Variants in RFT1 observed in about 807,000 individuals in gnomAD.
RFT1 encodes man(5)GlcNAc(2)-PP-dolichol translocation protein RFT1.
In RFT1, 43 loss-of-function variants were observed where a neutral mutation model predicts 62.2. The ratio of observed to expected loss-of-function variants is 0.69; its 90% CI spans 0.54 to 0.89. The LOEUF is 0.89. RFT1 is among the 40% of genes least tolerant of loss of function. The probability of loss-of-function intolerance (pLI) is 0.00; values close to 1 mark genes in which losing one functional copy is unlikely to be tolerated. For missense variants in RFT1, 605 were observed against 649.9 expected (o/e 0.93, Z 0.75); for synonymous variants, 262 against 264.6 (o/e 0.99, Z 0.10).
At chr3:53,074,600 T>C in the RFT1 span, among the ~76,000 whole-genome samples, 3 of 152,086 alleles carry the variant, frequency 2.0e-5, no homozygotes, top group African/African-American at 4.8e-5. Flanking sequence ...TGGGCCCAGG[T>C]TGGCAGAGAC....
At chr3:53,070,271 T>C in the RFT1 span, among the ~76,000 whole-genome samples, 35 of 151,526 alleles carry the variant, frequency 2.3e-4, 1 homozygote, top group Middle Eastern at 3.4e-3. Context: ...CAAAACAGGC[T>C]GGGTGCGGTG....
At chr3:53,087,138 G>A (rs1033245622), downstream of RFT1, among the ~76,000 whole-genome samples, 8 of 152,182 alleles carry the variant, frequency 5.3e-5, no homozygotes, top group African/African-American at 1.7e-4. Context: ...CTGGGAGGCT[G>A]AGGCACGAGA....
chr3:53,082,918 G>A, the RFT1 span, among the ~76,000 whole-genome samples: 1 of 152,144 alleles, frequency 6.6e-6, no homozygotes, highest in African/African-American at 2.4e-5. Context: ...ACACAGGGCC[G>A]GGCATGGCGG....
intron 9 of RFT1, 53 bp from the exon 10 acceptor site, chr3:53,104,150 CCTT>C: frequency 6.3e-7 from 1 of 1,585,434 alleles, no homozygotes; most frequent in South Asian, 1.1e-5. Context: ...CTGAAGAAAA[CCTT>C]CATCCTTCAC....
chr3:53,101,666 G>A (rs1328083384), intron 10 of RFT1, among the ~76,000 whole-genome samples: 2 of 152,158 alleles, frequency 1.3e-5, no homozygotes, highest in African/African-American at 4.8e-5. Flanking sequence ...TGGAAACAGG[G>A]TGTTCATGAA....
chr3:53,083,947 T>C (rs1700806587), downstream of RFT1, among the ~76,000 whole-genome samples: 1 of 152,234 alleles, frequency 6.6e-6, no homozygotes, highest in Non-Finnish European at 1.5e-5. Context: ...AGTTTGTTCA[T>C]AAAATTCTTG....
chr3:53,117,000 C>G (rs1369486096), intron 6 of RFT1, among the ~76,000 whole-genome samples: 1 of 152,168 alleles, frequency 6.6e-6, no homozygotes, highest in Non-Finnish European at 1.5e-5. Flanking sequence ...AAGCCAATTT[C>G]TTTTGGAAGG....
chr3:53,113,533 C>G (rs936985556), intron 6 of RFT1, among the ~76,000 whole-genome samples: 2 of 152,194 alleles, frequency 1.3e-5, no homozygotes, highest in African/African-American at 2.4e-5. Flanking sequence ...GGCCCCTGTT[C>G]TGGGCAGAAA....
the RFT1 span, among the ~76,000 whole-genome samples, chr3:53,079,101 C>T: frequency 6.6e-6 from 1 of 152,348 alleles, no homozygotes; most frequent in Non-Finnish European, 1.5e-5. Context: ...GGTAAAACAT[C>T]ATTTCCAAGC....
chr3:53,082,644 T>C, the RFT1 span, among the ~76,000 whole-genome samples: 669 of 152,320 alleles, frequency 4.4e-3, 5 homozygotes, highest in African/African-American at 0.015. Context: ...TCCTCACCTG[T>C]AGCCCATAGA....
intron 9 of RFT1, among the ~76,000 whole-genome samples, chr3:53,104,575 C>A (rs1258315195): frequency 6.6e-6 from 1 of 152,140 alleles, no homozygotes; most frequent in African/African-American, 2.4e-5. Context: ...TATACACTAG[C>A]CAGCTCTGTG....
chr3:53,091,932 C>T lies in RFT1; in HGVS notation c.1597G>A (p.Val533Met). ...GTCATTTTGTCAGTGCGTCTGGGCA[C>T]ACCTAACTGAGTCCTGAGGAAATGG... ...LIHFLRTQLG[V>M]PRRTDKMT The change falls in exon 13 of 13, where the codon GTG (valine) becomes ATG (methionine). Residue 533 changes from valine (V) to methionine (M), a missense_variant. Coordinates refer to ENST00000296292, the MANE Select transcript of RFT1 (RefSeq NM_052859.4). The T allele has an allele frequency of 1.2e-6, 2 of 1,614,268 alleles. No individual in the cohort carries two copies. Among genetic ancestry groups the T allele is most frequent in the Non-Finnish European group, 1.7e-6 (2 of 1,180,052 alleles).
intron 1 of RFT1, among the ~76,000 whole-genome samples, chr3:53,128,950 T>C (rs1367811126): frequency 6.6e-6 from 1 of 152,244 alleles, no homozygotes; most frequent in Admixed American, 6.5e-5. Context: ...ATGACCCAGC[T>C]TGACCTTACA....
In RFT1 at chr3:53,106,747, A is replaced by C. The variant is rs541511852; in HGVS notation, c.826+72T>G. 29 of 1,100,406 alleles carry C rather than the reference A, an allele frequency of 2.6e-5. No individual in the cohort carries two copies. In the South Asian group the frequency reaches 3.7e-4, roughly 14 times the overall value. 68.2% of individuals were successfully genotyped at this position (1,100,406 alleles called of 1,614,324 possible). ...AGGTTCATCTTTCATTAAATATATC[A>C]GAGAAAAATATTAGGAAGTATCTAT... On this transcript the variant is annotated intron_variant, in intron 8 of 12. Transcript: ENST00000296292.
intron 6 of RFT1, among the ~76,000 whole-genome samples, chr3:53,115,381 C>T (rs567796894): frequency 3.1e-4 from 47 of 152,128 alleles, no homozygotes; most frequent in Admixed American, 4.6e-4. Context: ...CTGTAAGAGA[C>T]GGCAAGCTCC....
chr3:53,100,555 G>A (rs1701281081), intron 10 of RFT1, among the ~76,000 whole-genome samples: 1 of 152,102 alleles, frequency 6.6e-6, no homozygotes, highest in Non-Finnish European at 1.5e-5. Context: ...ACAAAACGTG[G>A]GCCATCCACA....
At chr3:53,077,307 G>A in the RFT1 span, among the ~76,000 whole-genome samples, 1 of 152,236 alleles carries the variant, frequency 6.6e-6, no homozygotes, top group Non-Finnish European at 1.5e-5. Flanking sequence ...CAGCAGGCAT[G>A]AGCGTGGAGT....
At chr3:53,099,688 C>CA (rs1361821465) in intron 10 of RFT1, among the ~76,000 whole-genome samples, 2 of 152,046 alleles carry the variant, frequency 1.3e-5, no homozygotes, top group Non-Finnish European at 2.9e-5. Flanking sequence ...AAATAATCAG[C>CA]AAAAAACAAA....
intron 1 of RFT1, among the ~76,000 whole-genome samples, chr3:53,127,102 C>G (rs1702129133): frequency 1.3e-5 from 2 of 152,102 alleles, no homozygotes; most frequent in African/African-American, 4.8e-5. Context: ...CTGATGACAG[C>G]TCTGTAGCTG....
Sources: gnomAD v4.1 joint callset for allele counts (sites outside exome capture counted in the v4.1 genomes callset) on GRCh38, gnomAD v4.1.1 for gene constraint, MANE v1.5 for transcripts, NCBI Gene and HGNC (gene_info 2026-07-23, HGNC 2026-07-21) for gene names.